SPATA16: variants seen among roughly 807,000 people sequenced by gnomAD.
SPATA16 encodes spermatogenesis-associated protein 16.
SPATA16 carries 36 observed loss-of-function variants against 63.3 expected under a neutral mutation model. The ratio of observed to expected loss-of-function variants is 0.57; its 90% CI spans 0.44 to 0.75. The LOEUF (loss-of-function observed/expected upper bound fraction) is 0.75. Ranked by LOEUF, SPATA16 falls within the 30% of genes least tolerant of loss-of-function variation. The pLI is 0.00. For missense variants in SPATA16, 646 were observed against 679.3 expected (o/e 0.95, Z 0.54); for synonymous variants, 203 against 216.7 (o/e 0.94, Z 0.56).
At chr3:173,111,415 A>G (rs1490680430) in intron 2 of SPATA16, among the ~76,000 whole-genome samples, 1 of 152,152 alleles carries the variant, frequency 6.6e-6, no homozygotes, top group Non-Finnish European at 1.5e-5. Flanking sequence ...ATCTCAAATC[A>G]AAAAACAACA....
At chr3:173,068,922 A>T (rs1736596566) in intron 2 of SPATA16, among the ~76,000 whole-genome samples, 1 of 150,892 alleles carries the variant, frequency 6.6e-6, no homozygotes, top group Non-Finnish European at 1.5e-5. Flanking sequence ...CATCCTGGCT[A>T]ACACGGTGAA....
intron 4 of SPATA16, among the ~76,000 whole-genome samples, chr3:173,003,537 C>T (rs1734874238): frequency 1.3e-5 from 2 of 152,138 alleles, no homozygotes; most frequent in African/African-American, 4.8e-5. Flanking sequence ...GTTTGCTCAC[C>T]TACCAAATGC....
At chr3:172,906,077 G>A (rs1282478630) in intron 10 of SPATA16, among the ~76,000 whole-genome samples, 1 of 152,220 alleles carries the variant, frequency 6.6e-6, no homozygotes, top group Non-Finnish European at 1.5e-5. Context: ...GTTGCAGACA[G>A]AGTGTTGCTT....
chr3:172,963,920 T>C (rs954711764), intron 5 of SPATA16, among the ~76,000 whole-genome samples: 2 of 152,192 alleles, frequency 1.3e-5, no homozygotes, highest in Non-Finnish European at 2.9e-5. Flanking sequence ...ATTCTTTTAA[T>C]TAGATTGTAA....
At chr3:172,978,138 C>CCTCT (rs71162321) in intron 4 of SPATA16, among the ~76,000 whole-genome samples, 74 of 148,364 alleles carry the variant, frequency 5.0e-4, no homozygotes, top group African/African-American at 9.5e-4. Flanking sequence ...TCTCTCTCTC[C>CCTCT]CTCTCTCTCT....
chr3:172,987,142 A>T (rs998796396), intron 4 of SPATA16, among the ~76,000 whole-genome samples: 1 of 152,240 alleles, frequency 6.6e-6, no homozygotes, highest in Non-Finnish European at 1.5e-5. Flanking sequence ...CCTTTTCCAG[A>T]TGAATGAACT....
At chr3:172,913,021 G>A (rs1465405257) in intron 10 of SPATA16, among the ~76,000 whole-genome samples, 1 of 152,174 alleles carries the variant, frequency 6.6e-6, no homozygotes, top group Non-Finnish European at 1.5e-5. Flanking sequence ...AGTGATGGGA[G>A]GAAGATGAAT....
At chr3:173,136,053 G>T (rs1469235830) in intron 1 of SPATA16, among the ~76,000 whole-genome samples, 1 of 152,152 alleles carries the variant, frequency 6.6e-6, no homozygotes, top group African/African-American at 2.4e-5. Context: ...TACAACCTTT[G>T]CATTGTCTAA....
At chr3:173,098,393 G>A (rs1218848495) in intron 2 of SPATA16, among the ~76,000 whole-genome samples, 1 of 152,136 alleles carries the variant, frequency 6.6e-6, no homozygotes, top group Non-Finnish European at 1.5e-5. Context: ...TCTGGACAAT[G>A]TCATGCTGTA....
intron 9 of SPATA16, among the ~76,000 whole-genome samples, chr3:172,914,951 A>G (rs913969236): frequency 1.3e-5 from 2 of 151,882 alleles, no homozygotes; most frequent in Non-Finnish European, 2.9e-5. Context: ...TTTTTCATTT[A>G]AATCTTGAAT....
rs921650476 is a variant in SPATA16, at chr3:173,019,358, A to G, written c.848+128T>C. The stretch of plus-strand genomic sequence containing the variant: ...CAATAATTGCTGGTTTGACGTTGAT[A>G]GACAATAATTTGGATAAAATCATAT... On this transcript the variant is annotated intron_variant, in intron 4 of 10. Coordinates refer to ENST00000351008, the MANE Select transcript of SPATA16 (RefSeq NM_031955.6). 26 of 861,714 alleles carry G rather than the reference A, an allele frequency of 3.0e-5. No individual in the cohort carries two copies. The African/African-American group carries it at 4.3e-4, about 14-fold the overall frequency. 53.4% of individuals were successfully genotyped at this position (861,714 alleles called of 1,614,324 possible).
intron 2 of SPATA16, among the ~76,000 whole-genome samples, chr3:173,084,541 G>A (rs1255186372): frequency 6.6e-6 from 1 of 151,922 alleles, no homozygotes; most frequent in African/African-American, 2.4e-5. Context: ...CATTTGTCAA[G>A]TTTTGCTTTT....
intron 4 of SPATA16, among the ~76,000 whole-genome samples, chr3:173,010,996 C>G (rs1458553353): frequency 6.6e-6 from 1 of 152,102 alleles, no homozygotes; most frequent in Non-Finnish European, 1.5e-5. Context: ...CACCCAAATT[C>G]TACCAAATAT....
chr3:173,009,730 T>C (rs972835301), intron 4 of SPATA16, among the ~76,000 whole-genome samples: 1 of 152,230 alleles, frequency 6.6e-6, no homozygotes, highest in South Asian at 2.1e-4. Flanking sequence ...TTACTGGTCA[T>C]AGGCAGTTGT....
Position 172,889,468 on chromosome 3 carries a change from A to G in SPATA16, c.*102T>C, listed in dbSNP as rs1731848952. The G allele has an allele frequency of 4.5e-6, 7 of 1,554,732 alleles. No individual in the cohort carries two copies. Among genetic ancestry groups the G allele is most frequent in the Non-Finnish European group, 4.4e-6 (5 of 1,133,930 alleles). On this transcript the variant is annotated 3_prime_UTR_variant, in exon 11 of 11. Coordinates refer to ENST00000351008, the MANE Select transcript of SPATA16 (RefSeq NM_031955.6). ...AATACCACCTCTTTCTTTTGGTGAC[A>G]AGCTTTTGTTATCCAGCTTCACAGT...
intron 2 of SPATA16, among the ~76,000 whole-genome samples, chr3:173,103,569 C>T (rs971712346): frequency 2.6e-4 from 40 of 152,310 alleles, no homozygotes; most frequent in Admixed American, 1.0e-3. Context: ...GCTTTTGAGC[C>T]GCAGCTGGAG....
intron 2 of SPATA16, among the ~76,000 whole-genome samples, chr3:173,091,241 G>A (rs1298398742): frequency 6.6e-6 from 1 of 151,960 alleles, no homozygotes; most frequent in Non-Finnish European, 1.5e-5. Context: ...CTTTAACTTA[G>A]TAGACTAATG....
chr3:173,077,990 C>T (rs558099144), intron 2 of SPATA16, among the ~76,000 whole-genome samples: 1 of 152,000 alleles, frequency 6.6e-6, no homozygotes, highest in Non-Finnish European at 1.5e-5. Flanking sequence ...AATTAAAGCA[C>T]CTCTATAGTG....
chr3:172,903,545 T>C (rs1732167866), intron 10 of SPATA16, among the ~76,000 whole-genome samples: 2 of 152,164 alleles, frequency 1.3e-5, no homozygotes, highest in Admixed American at 1.3e-4. Context: ...GCTTATAAAA[T>C]TGTGTTTTCA....
Sources: gnomAD v4.1 joint callset for allele counts (sites outside exome capture counted in the v4.1 genomes callset) on GRCh38, gnomAD v4.1.1 for gene constraint, MANE v1.5 for transcripts, NCBI Gene and HGNC (gene_info 2026-07-23, HGNC 2026-07-21) for gene names.